Variants in PARP15 observed in about 807,000 individuals in gnomAD.
PARP15 encodes protein mono-ADP-ribosyltransferase PARP15.
PARP15 carries 50 observed loss-of-function variants against 62.1 expected under a neutral mutation model. The ratio of observed to expected loss-of-function variants is 0.81; its 90% confidence interval spans 0.64 to 1.02. The LOEUF is 1.02. PARP15 is among the 50% of genes least tolerant of loss of function. The pLI is 0.00. For synonymous variants in PARP15, 309 were observed against 293.1 expected (o/e 1.05, Z -0.55); for missense variants, 820 against 826.5 (o/e 0.99, Z 0.10).
chr3:122,616,982 A>C, intron 5 of PARP15, 33 bp from the exon 6 acceptor site: 1 of 1,607,510 alleles, frequency 6.2e-7, no homozygotes, highest in South Asian at 1.1e-5. Context: ...AAGCTGAGCC[A>C]GCCCATTCTT....
In PARP15 at chr3:122,577,862, C is replaced by G. The variant is rs1218439048; in HGVS notation, c.186+9C>G. ...CTTCCTCCCGGAGTATGGTGAGGAG[C>G]GCGGGGGACGGGTGCGGGAAGGGGA... On this transcript the variant is annotated intron_variant, in intron 1 of 11. Coordinates refer to ENST00000464300, the MANE Select transcript of PARP15 (RefSeq NM_001113523.3). 2 of 1,537,138 alleles carry G rather than the reference C, an allele frequency of 1.3e-6. No individual in the cohort carries two copies. Among genetic ancestry groups the G allele is most frequent in the South Asian group, 2.4e-5 (2 of 82,266 alleles).
rs1285867978 is a variant in PARP15, at chr3:122,636,669, A to G, written c.*569A>G. 1 of 153,190 alleles carries G rather than the reference A, an allele frequency of 6.5e-6. No homozygotes were observed. The highest frequency in any genetic ancestry group is 1.5e-5 in the Non-Finnish European group (1 of 68,696). The allele number at this position is 153,190 out of a possible 1,614,324, so 9.5% of individuals were successfully genotyped here. A position where few individuals can be genotyped will look rare whatever the true frequency, so the allele number is the denominator to read the frequency against. On this transcript the variant is annotated 3_prime_UTR_variant, in exon 12 of 12. Transcript: ENST00000464300. ...AAAATGTATCGCATTGTTATCTAATATTAAAAAATTACCCCCAATTTTAGT... is the reference window on the plus strand; with the variant it reads ...AAAATGTATCGCATTGTTATCTAATGTTAAAAAATTACCCCCAATTTTAGT...
In PARP15 at chr3:122,615,959, A is replaced by T. The variant is rs111407243; in HGVS notation, c.850+102A>T. 4.5e-5 allele frequency: 52 copies of T among 1,151,034 alleles called. No homozygotes were observed. In the African/African-American group the frequency reaches 6.3e-4, roughly 14 times the overall value. 71.3% of individuals were successfully genotyped at this position (1,151,034 alleles called of 1,614,324 possible). On this transcript the variant is annotated intron_variant, in intron 5 of 11. Coordinates refer to ENST00000464300, the MANE Select transcript of PARP15 (RefSeq NM_001113523.3). Reference sequence around the variant, plus strand: ...AAGTAGGCAAAGCTAATTCACATGAAGAACAAATCTGTGATGGGGGAGGTG... The same window carrying T: ...AAGTAGGCAAAGCTAATTCACATGATGAACAAATCTGTGATGGGGGAGGTG...
At chr3:122,631,997 T>C in intron 9 of PARP15, 89 bp from the exon 10 acceptor site, 4 of 1,452,190 alleles carry the variant, frequency 2.8e-6, no homozygotes, top group Non-Finnish European at 3.8e-6. Flanking sequence ...CAGGTTTGGA[T>C]GACGAGAGAC....
intron 3 of PARP15, 121 bp from the exon 4 acceptor site, chr3:122,612,920 C>T: frequency 7.3e-6 from 6 of 819,044 alleles, no homozygotes; most frequent in Non-Finnish European, 1.2e-5. Context: ...TCTGACTTCT[C>T]AGGCCCTGAC....
chr3:122,636,808 G>C lies in PARP15; in HGVS notation c.*708G>C, dbSNP rs1937402080. ...AAGATGTCAGGGGATGTGGTCGTTT[G>C]AAGGCTTGTCTGGGCTGGAGGTCTA... is the stretch of plus-strand genomic sequence containing the variant. On this transcript the variant is annotated 3_prime_UTR_variant, in exon 12 of 12. Coordinates refer to ENST00000464300, the MANE Select transcript of PARP15 (RefSeq NM_001113523.3). 1 of 152,220 alleles carries C rather than the reference G, an allele frequency of 6.6e-6. No homozygotes were observed. The highest frequency in any genetic ancestry group is 2.1e-4 in the South Asian group (1 of 4,834). 9.4% of individuals were successfully genotyped at this position (152,220 alleles called of 1,614,324 possible).
intron 2 of PARP15, among the ~76,000 whole-genome samples, chr3:122,606,620 G>A (rs1909808): frequency 0.23 from 35,594 of 152,054 alleles, 8,890 homozygotes; most frequent in African/African-American, 0.63. Flanking sequence ...GACATCCATC[G>A]TGCTCAATCC....
intron 1 of PARP15, among the ~76,000 whole-genome samples, chr3:122,585,937 C>A (rs1933393780): frequency 6.6e-6 from 1 of 152,142 alleles, no homozygotes; most frequent in African/African-American, 2.4e-5. Context: ...TTATGCGAAT[C>A]CCTATCAATT....
intron 1 of PARP15, among the ~76,000 whole-genome samples, chr3:122,589,618 T>C (rs1403778153): frequency 2.0e-5 from 3 of 152,228 alleles, no homozygotes; most frequent in Non-Finnish European, 4.4e-5. Flanking sequence ...TCCACTTTCT[T>C]AATGGCTAAC....
At chr3:122,620,508 A>G (rs993531794) in intron 7 of PARP15, among the ~76,000 whole-genome samples, 10 of 152,212 alleles carry the variant, frequency 6.6e-5, no homozygotes, top group Non-Finnish European at 1.2e-4. Flanking sequence ...ACCTGCTACA[A>G]TGCCTGAAAC....
At chr3:122,600,711 T>C (rs531415406) in intron 1 of PARP15, among the ~76,000 whole-genome samples, 1 of 152,238 alleles carries the variant, frequency 6.6e-6, no homozygotes, top group African/African-American at 2.4e-5. Flanking sequence ...TTTTTAACAG[T>C]GAAAAGTAGA....
intron 7 of PARP15, among the ~76,000 whole-genome samples, chr3:122,620,737 T>A (rs938347343): frequency 3.0e-4 from 6 of 19,912 alleles, no homozygotes; most frequent in African/African-American, 1.2e-3. Context: ...GAGGGGAGGG[T>A]GGGAGGGACA....
At chr3:122,634,915 T>C in intron 10 of PARP15, 105 bp from the exon 11 acceptor site, 1 of 1,176,964 alleles carries the variant, frequency 8.5e-7, no homozygotes, top group Non-Finnish European at 1.2e-6. Flanking sequence ...CCAAATTCTC[T>C]TCCTCTTCCT....
At chr3:122,619,471 C>T (rs527742416) in intron 6 of PARP15, among the ~76,000 whole-genome samples, 1 of 152,188 alleles carries the variant, frequency 6.6e-6, no homozygotes, top group South Asian at 2.1e-4. Context: ...TAGTTTCATT[C>T]GTTTTTACAA....
intron 1 of PARP15, among the ~76,000 whole-genome samples, chr3:122,593,951 C>G (rs1284376549): frequency 2.0e-5 from 3 of 152,176 alleles, no homozygotes; most frequent in Non-Finnish European, 4.4e-5. Flanking sequence ...AGCACTTACT[C>G]TATGCCAGGC....
At chr3:122,630,950 G>A (rs1198230958) in intron 9 of PARP15, among the ~76,000 whole-genome samples, 1 of 152,172 alleles carries the variant, frequency 6.6e-6, no homozygotes, top group East Asian at 1.9e-4. Context: ...AATGTCATAT[G>A]GCTGGTCACA....
intron 10 of PARP15, among the ~76,000 whole-genome samples, chr3:122,633,856 T>G (rs895000669): frequency 2.6e-5 from 4 of 152,174 alleles, no homozygotes; most frequent in African/African-American, 9.7e-5. Context: ...ATACTTCTTT[T>G]GAAAACCCCC....
chr3:122,593,084 T>TTATCTATCTATCTATC (rs1553727428), intron 1 of PARP15, among the ~76,000 whole-genome samples: 5 of 63,986 alleles, frequency 7.8e-5, no homozygotes, highest in African/African-American at 2.7e-4. Context: ...AAAGATAAAA[T>TTATCTATCTATCTATC]TATCTGTCTA....
chr3:122,635,887 C>T lies in PARP15; in HGVS notation c.1824C>T (p.Asp608=). 1 of 1,614,096 alleles carries T rather than the reference C, an allele frequency of 6.2e-7. No individual in the cohort carries two copies. The highest frequency in any genetic ancestry group is 8.5e-7 in the Non-Finnish European group (1 of 1,179,974). ...CCAAGGACACCTACTCCAAGCCAGA[C>T]AGCAATGGGAGAAAGCACATGTACG... ...YSAKDTYSKP[D]SNGRKHMYVV... The change falls in exon 12 of 12, where the codon GAC becomes GAT. Residue 608 remains aspartate, a synonymous_variant. Transcript: ENST00000464300.
Sources: allele counts gnomAD v4.1 joint callset (sites outside exome capture counted in the v4.1 genomes callset), GRCh38; gene constraint gnomAD v4.1.1; transcripts MANE v1.5; gene names NCBI Gene and HGNC (gene_info 2026-07-23, HGNC 2026-07-21).